Variants in DNAH6 observed in about 807,000 individuals in gnomAD.
The protein encoded by DNAH6 is axonemal beta dynein heavy chain 6.
DNAH6 carries 340 observed loss-of-function variants against 491.4 expected under a neutral mutation model. That is an observed-to-expected ratio of 0.69 (90% confidence interval 0.63 to 0.76). The LOEUF (loss-of-function observed/expected upper bound fraction) is 0.76, where lower values mean the gene tolerates loss of function less well. Among genes scored for constraint, DNAH6 ranks in the 30% least tolerant of loss-of-function variants. The pLI is 0.00. For missense variants in DNAH6, 4,443 were observed against 4,972.2 expected (o/e 0.89, Z 3.20); for synonymous variants, 1,603 against 1,686.1 (o/e 0.95, Z 1.21).
the DNAH6 span, among the ~76,000 whole-genome samples, chr2:84,500,955 A>T: frequency 2.6e-5 from 4 of 152,182 alleles, no homozygotes; most frequent in Non-Finnish European, 1.5e-5. Flanking sequence ...CATATATAAG[A>T]TCATACTGTC....
At chr2:84,470,650 A>T in the DNAH6 span, among the ~76,000 whole-genome samples, 1 of 152,140 alleles carries the variant, frequency 6.6e-6, no homozygotes, top group Non-Finnish European at 1.5e-5. Flanking sequence ...CAAAGTCTTT[A>T]TGACCTGTAT....
At chr2:84,520,991 A>G (rs1162949174) in intron 2 of DNAH6, among the ~76,000 whole-genome samples, 1 of 151,920 alleles carries the variant, frequency 6.6e-6, no homozygotes, top group Non-Finnish European at 1.5e-5. Flanking sequence ...TCACCATGCT[A>G]CTTTCCACAA....
intron 60 of DNAH6, among the ~76,000 whole-genome samples, chr2:84,725,954 A>T (rs1698583187): frequency 6.6e-6 from 1 of 152,218 alleles, no homozygotes; most frequent in Admixed American, 6.5e-5. Flanking sequence ...TGTCAACAAA[A>T]CTTTCAGGAG....
intron 15 of DNAH6, among the ~76,000 whole-genome samples, chr2:84,585,685 T>G (rs1341036231): frequency 6.6e-6 from 1 of 151,928 alleles, no homozygotes; most frequent in Non-Finnish European, 1.5e-5. Flanking sequence ...GACCCTGAAG[T>G]GGGTTGCTAC....
chr2:84,479,638 C>T, the DNAH6 span, among the ~76,000 whole-genome samples: 11 of 152,152 alleles, frequency 7.2e-5, no homozygotes, highest in Non-Finnish European at 1.3e-4. Context: ...TAACCCACTC[C>T]GTACCCACTC....
chr2:84,575,542 G>A (rs1682338811), intron 12 of DNAH6, among the ~76,000 whole-genome samples: 1 of 152,154 alleles, frequency 6.6e-6, no homozygotes, highest in Non-Finnish European at 1.5e-5. Context: ...AACAGCTAGT[G>A]AGCAGTTTAG....
At chr2:84,651,177 T>G (rs1056485936) in intron 33 of DNAH6, among the ~76,000 whole-genome samples, 3 of 152,072 alleles carry the variant, frequency 2.0e-5, no homozygotes, top group Admixed American at 6.6e-5. Flanking sequence ...GTGGTAAAAG[T>G]CCTGACTCTC....
chr2:84,627,614 T>C (rs1296146070), intron 29 of DNAH6, among the ~76,000 whole-genome samples: 1 of 152,218 alleles, frequency 6.6e-6, no homozygotes, highest in Non-Finnish European at 1.5e-5. Flanking sequence ...ATTATGAAAA[T>C]CTACCAGGAT....
intron 52 of DNAH6, among the ~76,000 whole-genome samples, chr2:84,705,961 C>T (rs1696387050): frequency 6.6e-6 from 1 of 152,036 alleles, no homozygotes; most frequent in Non-Finnish European, 1.5e-5. Flanking sequence ...ACATGAGTTC[C>T]TCAGTATATT....
rs1003026081 is a variant in DNAH6, at chr2:84,694,229, C to T, written c.7293-20C>T. The T allele has an allele frequency of 2.5e-5, 39 of 1,547,210 alleles. No homozygotes were observed. Among genetic ancestry groups the T allele is most frequent in the Non-Finnish European group, 3.2e-5 (37 of 1,143,024 alleles). ...CATGTCTGTGAACTTGAAATAAACC[C>T]TCTGCTCTGATGTTTGCAGGATTGC... On this transcript the variant is annotated intron_variant, in intron 45 of 76. Coordinates refer to ENST00000389394, the MANE Select transcript of DNAH6 (RefSeq NM_001370.2).
intron 14 of DNAH6, among the ~76,000 whole-genome samples, chr2:84,583,585 A>T (rs1292784718): frequency 6.6e-6 from 1 of 152,136 alleles, no homozygotes; most frequent in Non-Finnish European, 1.5e-5. Flanking sequence ...CCCAAATCTC[A>T]CCTTGAATTG....
chr2:84,617,358 A>G (rs912719956), intron 23 of DNAH6, among the ~76,000 whole-genome samples: 4 of 152,082 alleles, frequency 2.6e-5, no homozygotes, highest in African/African-American at 9.7e-5. Context: ...CAAACAATCC[A>G]GTTATACTCT....
At chr2:84,764,516 A>G (rs1180870400) in intron 64 of DNAH6, among the ~76,000 whole-genome samples, 1 of 152,186 alleles carries the variant, frequency 6.6e-6, no homozygotes. Context: ...GGGAGTAAAA[A>G]ATAAGCAAAA....
intron 71 of DNAH6, 43 bp downstream of exon 71, chr2:84,805,837 G>C (rs1679368549): frequency 6.6e-7 from 1 of 1,519,934 alleles, no homozygotes; most frequent in Non-Finnish European, 8.8e-7. Context: ...GGGAATTTTA[G>C]GAATAAACTC....
chr2:84,518,938 T>C (rs1315805275), intron 2 of DNAH6, among the ~76,000 whole-genome samples: 4 of 152,052 alleles, frequency 2.6e-5, no homozygotes, highest in Non-Finnish European at 4.4e-5. Flanking sequence ...TCTTAGCACT[T>C]TGGGAGGCAA....
chr2:84,476,763 A>G, the DNAH6 span, among the ~76,000 whole-genome samples: 1 of 152,342 alleles, frequency 6.6e-6, no homozygotes, highest in Admixed American at 6.5e-5. Flanking sequence ...ACCATGGGCA[A>G]AACTGCTTTA....
the DNAH6 span, among the ~76,000 whole-genome samples, chr2:84,495,698 A>G: frequency 6.6e-6 from 1 of 152,200 alleles, no homozygotes; most frequent in East Asian, 1.9e-4. Context: ...TTGCCCTGAT[A>G]CAAAATCTGG....
chr2:84,813,867 G>C, intron 74 of DNAH6, 104 bp from the exon 75 acceptor site: 2 of 1,179,170 alleles, frequency 1.7e-6, no homozygotes, highest in South Asian at 2.9e-5. Flanking sequence ...TCTGTGGTGG[G>C]AAGGCTCTCT....
intron 42 of DNAH6, among the ~76,000 whole-genome samples, chr2:84,684,724 G>T (rs1424045633): frequency 6.6e-6 from 1 of 152,182 alleles, no homozygotes; most frequent in Non-Finnish European, 1.5e-5. Context: ...GCCCCATATT[G>T]GTGGTCCCTG....
Sources: gnomAD v4.1 joint callset for allele counts (sites outside exome capture counted in the v4.1 genomes callset) on GRCh38, gnomAD v4.1.1 for gene constraint, MANE v1.5 for transcripts, NCBI Gene and HGNC (gene_info 2026-07-23, HGNC 2026-07-21) for gene names.